CUX1: variants seen among roughly 807,000 people sequenced by gnomAD.
CUX1 encodes the protein protein CASP.
Under a neutral mutation model 158.8 loss-of-function variants are expected in CUX1, and 31 were observed. The observed-to-expected ratio is 0.20, with a 90% CI of 0.15 to 0.26. The LOEUF (loss-of-function observed/expected upper bound fraction) is 0.26, where lower values mean the gene tolerates loss of function less well. Among genes scored for constraint, CUX1 ranks in the 10% least tolerant of loss-of-function variants. The probability of loss-of-function intolerance (pLI) is 1.00; values close to 1 mark genes in which losing one functional copy is unlikely to be tolerated. For synonymous variants in CUX1, 879 were observed against 862.1 expected (o/e 1.02, Z -0.34); for missense variants, 1,589 against 2,014.6 (o/e 0.79, Z 4.04).
chr7:101,958,959 A>G (rs1271638097), intron 2 of CUX1, among the ~76,000 whole-genome samples: 3 of 147,982 alleles, frequency 2.0e-5, no homozygotes, highest in Non-Finnish European at 4.4e-5. Flanking sequence ...GGCTTAAGCA[A>G]TCCTCCCACC....
chr7:101,820,019 G>A (rs1193131726), intron 1 of CUX1, among the ~76,000 whole-genome samples: 2 of 152,200 alleles, frequency 1.3e-5, no homozygotes, highest in Admixed American at 1.3e-4. Flanking sequence ...TATTTAAAAA[G>A]TCTCCTGTTT....
At chr7:102,177,183 G>A (rs947377810) in intron 10 of CUX1, among the ~76,000 whole-genome samples, 13 of 151,974 alleles carry the variant, frequency 8.6e-5, no homozygotes, top group Admixed American at 2.6e-4. Context: ...GGAGGCCAAG[G>A]TGGGTGGATC....
At chr7:102,178,271 A>G (rs547459159) in intron 10 of CUX1, among the ~76,000 whole-genome samples, 198 bp from the exon 11 acceptor site, 11 of 152,220 alleles carry the variant, frequency 7.2e-5, no homozygotes, top group Non-Finnish European at 1.6e-4. Flanking sequence ...TGTCCAGTGA[A>G]TGAATCGAGG....
chr7:102,074,989 G>A (rs189991037), intron 4 of CUX1, among the ~76,000 whole-genome samples: 4 of 152,294 alleles, frequency 2.6e-5, no homozygotes, highest in South Asian at 4.1e-4. Context: ...CTCCCAAGTA[G>A]CTGGGATTAC....
intron 13 of CUX1, 43 bp from the exon 14 acceptor site, chr7:102,195,464 A>C (rs782174436): frequency 1.8e-5 from 27 of 1,518,070 alleles, no homozygotes; most frequent in Non-Finnish European, 2.3e-5. Context: ...GGAGCGGGTG[A>C]GTGGCCGGCC....
intron 4 of CUX1, among the ~76,000 whole-genome samples, chr7:102,091,946 G>C (rs1828624564): frequency 6.6e-6 from 1 of 152,200 alleles, no homozygotes; most frequent in South Asian, 2.1e-4. Flanking sequence ...CCTGGGGACA[G>C]AGTTTCACCG....
At chr7:102,243,140 G>A (rs1554535531) in intron 23 of CUX1, among the ~76,000 whole-genome samples, 1 of 152,114 alleles carries the variant, frequency 6.6e-6, no homozygotes, top group African/African-American at 2.4e-5. Context: ...CAGGTGTGGT[G>A]GGGTGCGCCT....
Position 102,254,904 on chromosome 7 carries a change from A to G in CUX1, c.*5862A>G, listed in dbSNP as rs898869001. ...AGGTTTTGACTTTTTGTAGATGAAA[A>G]CTACCAGGGAAAAGGGGAAGCAGGT... On this transcript the variant is annotated 3_prime_UTR_variant, in exon 24 of 24. Coordinates refer to ENST00000292535, the MANE Select transcript of CUX1 (RefSeq NM_181552.4). 1.0e-6 allele frequency: 1 copy of G among 985,452 alleles called. No individual in the cohort carries two copies. Among genetic ancestry groups the G allele is most frequent in the Non-Finnish European group, 1.2e-6 (1 of 829,946 alleles). The allele number at this position is 985,452 out of a possible 1,614,324, so 61.0% of individuals were successfully genotyped here.
chr7:102,122,752 A>C (rs549689100), intron 8 of CUX1, among the ~76,000 whole-genome samples: 1 of 152,324 alleles, frequency 6.6e-6, no homozygotes, highest in East Asian at 1.9e-4. Flanking sequence ...ATTGCAAAGC[A>C]TCAGTGAGAA....
In CUX1 at chr7:102,196,637, C is replaced by T; in HGVS notation, c.1226C>T (p.Ser409Leu). ...TTCTGTTTGCCCTTCCTTGTAGGGT[C>T]AGCCAGGAGGAAAGGGAAAGACCAG... Reference protein sequence around the residue: ...LRISNSDLSGSARRKGKDQPE... With the variant: ...LRISNSDLSGLARRKGKDQPE... The change falls in exon 15 of 24, where the codon TCA (serine) becomes TTA (leucine). Residue 409 changes from serine to leucine, a missense_variant. By Grantham distance (145) the Ser-to-Leu change is moderately radical. Transcript: ENST00000292535. The T allele has an allele frequency of 3.2e-6, 5 of 1,546,382 alleles. No individual in the cohort carries two copies. Among genetic ancestry groups the T allele is most frequent in the Non-Finnish European group, 4.4e-6 (5 of 1,146,682 alleles).
At chr7:102,238,771 C>T (rs1004934318) in intron 22 of CUX1, among the ~76,000 whole-genome samples, 6 of 152,194 alleles carry the variant, frequency 3.9e-5, no homozygotes, top group Admixed American at 2.6e-4. Flanking sequence ...GCCTCCCCTA[C>T]TAAACTGTTA....
At chr7:102,036,446 A>G (rs1821428116) in intron 3 of CUX1, among the ~76,000 whole-genome samples, 1 of 152,102 alleles carries the variant, frequency 6.6e-6, no homozygotes. Context: ...CACAATAAAG[A>G]AATCAGAATC....
chr7:101,998,403 A>G (rs963807274), intron 2 of CUX1, among the ~76,000 whole-genome samples: 1 of 152,212 alleles, frequency 6.6e-6, no homozygotes, highest in African/African-American at 2.4e-5. Flanking sequence ...GAGATGAGAC[A>G]GCCAGTTCCT....
chr7:101,947,020 G>T (rs909322944), intron 2 of CUX1, among the ~76,000 whole-genome samples: 1 of 152,184 alleles, frequency 6.6e-6, no homozygotes, highest in Non-Finnish European at 1.5e-5. Flanking sequence ...AGCCGATTTG[G>T]GTGGGAGAGT....
intron 4 of CUX1, 40 bp downstream of exon 4, chr7:102,070,457 G>A: frequency 6.6e-7 from 1 of 1,508,482 alleles, no homozygotes; most frequent in East Asian, 2.3e-5. Context: ...GGGGGGCGTT[G>A]TGTCTGGTGA....
intron 2 of CUX1, among the ~76,000 whole-genome samples, chr7:102,017,415 C>T (rs937819939): frequency 2.6e-5 from 4 of 151,966 alleles, no homozygotes; most frequent in South Asian, 2.1e-4. Flanking sequence ...AGGAATAGAA[C>T]GGAGGAATGT....
chr7:101,911,977 T>C (rs908829393), intron 1 of CUX1, among the ~76,000 whole-genome samples: 3 of 152,180 alleles, frequency 2.0e-5, no homozygotes, highest in African/African-American at 7.2e-5. Flanking sequence ...CTCAGTAAAG[T>C]TTCTGTCTCA....
At chr7:101,979,271 G>C (rs1015198517) in intron 2 of CUX1, among the ~76,000 whole-genome samples, 9 of 152,248 alleles carry the variant, frequency 5.9e-5, no homozygotes, top group Middle Eastern at 3.4e-3. Flanking sequence ...TGGGCCACTG[G>C]GTGGAAGAGG....
chr7:102,020,666 G>A (rs1477353115), intron 2 of CUX1, among the ~76,000 whole-genome samples: 1 of 152,144 alleles, frequency 6.6e-6, no homozygotes, highest in Non-Finnish European at 1.5e-5. Context: ...GATCCCTTGA[G>A]GTCAGGAGTT....
Sources: allele counts gnomAD v4.1 joint callset (sites outside exome capture counted in the v4.1 genomes callset), GRCh38; gene constraint gnomAD v4.1.1; transcripts MANE v1.5; gene names NCBI Gene and HGNC (gene_info 2026-07-23, HGNC 2026-07-21).